The following PAQR3 variants were observed in gnomAD, a reference collection of about 807,000 sequenced individuals.
PAQR3 encodes the protein Raf kinase trapping to Golgi.
Under a neutral mutation model 41.7 loss-of-function variants are expected in PAQR3, and 39 were observed. The observed-to-expected ratio is 0.93, with a 90% CI of 0.72 to 1.22. PAQR3 has a LOEUF of 1.22. Among genes scored for constraint, PAQR3 ranks in the 50% most tolerant of loss-of-function variants. The pLI is 0.00. For missense variants in PAQR3, 366 were observed against 385.6 expected, an observed-to-expected ratio of 0.95 and a Z score of 0.42; for synonymous variants, 140 against 140.6, an observed-to-expected ratio of 1.00 and a Z score of 0.03.
chr4:78,910,108 A>G (rs1310262728), downstream of PAQR3, among the ~76,000 whole-genome samples: 2 of 152,212 alleles, frequency 1.3e-5, no homozygotes, highest in Non-Finnish European at 2.9e-5. Flanking sequence ...TTCAAAAGAT[A>G]GTGGTTTATA....
At chr4:78,890,525 C>T (rs552970117) in intron 11 of PAQR3, among the ~76,000 whole-genome samples, 1 of 152,240 alleles carries the variant, frequency 6.6e-6, no homozygotes, top group Non-Finnish European at 1.5e-5. Context: ...TTTGTCACCA[C>T]TGAGGTTTAT....
chr4:78,939,253 C>A lies in PAQR3; in HGVS notation c.-29G>T. The A allele has an allele frequency of 6.4e-7, 1 of 1,568,338 alleles. No individual in the cohort carries two copies. Among genetic ancestry groups the A allele is most frequent in the Non-Finnish European group, 8.6e-7 (1 of 1,160,766 alleles). On this transcript the variant is annotated 5_prime_UTR_variant, in exon 1 of 6. Coordinates refer to ENST00000512733, the MANE Select transcript of PAQR3 (RefSeq NM_001040202.2). ...TCCCGGCCGCCGCCGCTCCCCGGCT[C>A]GGGAGCTCCCCCAGGTCCCGCCTCC...
rs1267543499 is a variant in PAQR3 at position 78,912,774 on chromosome 4, A to C, written c.*7765T>G. ...TTTTGTCAGTTAAAACAAATTAAAA[A>C]AATGGACTATCGTCGCACAGAAGCC... is the stretch of plus-strand genomic sequence containing the variant. On this transcript the variant is annotated 3_prime_UTR_variant, in exon 6 of 6. Transcript: ENST00000512733. 1.3e-5 allele frequency: 2 copies of C among 151,058 alleles called. No individual in the cohort carries two copies. The highest frequency in any genetic ancestry group is 2.9e-5 in the Non-Finnish European group (2 of 67,872). The allele number at this position is 151,058 out of a possible 1,614,324, so 9.4% of individuals were successfully genotyped here. A position where few individuals can be genotyped will look rare whatever the true frequency, so the allele number is the denominator to read the frequency against.
In PAQR3 at chr4:78,912,531, A is replaced by C. The variant is rs2110112977; in HGVS notation, c.*8008T>G. 1 of 153,300 alleles carries C rather than the reference A, an allele frequency of 6.5e-6. No homozygotes were observed. Among genetic ancestry groups the C allele is most frequent in the African/African-American group, 2.4e-5 (1 of 41,588 alleles). 9.5% of individuals were successfully genotyped at this position (153,300 alleles called of 1,614,324 possible). A position where few individuals can be genotyped will look rare whatever the true frequency, so the allele number is the denominator to read the frequency against. On this transcript the variant is annotated 3_prime_UTR_variant, in exon 6 of 6. Transcript: ENST00000512733. The stretch of plus-strand genomic sequence containing the variant: ...AAAGCATTAGAAAGTTATTATCTGG[A>C]GAGTGCAGAGATTTCAGTCCATACA...
chr4:78,896,618 G>T (rs1259617341), intron 11 of PAQR3, among the ~76,000 whole-genome samples: 1 of 152,210 alleles, frequency 6.6e-6, no homozygotes, highest in Non-Finnish European at 1.5e-5. Context: ...GGTGAATGCA[G>T]TGCAGTGAGA....
chr4:78,896,598 T>G (rs1465900847), intron 11 of PAQR3, among the ~76,000 whole-genome samples: 2 of 152,222 alleles, frequency 1.3e-5, no homozygotes, highest in Non-Finnish European at 2.9e-5. Flanking sequence ...TTGTCATGAT[T>G]ATTATACATG....
downstream of PAQR3, chr4:78,910,738 G>C (rs1222463179): frequency 1.2e-6 from 2 of 1,613,820 alleles, no homozygotes; most frequent in Non-Finnish European, 1.7e-6. Flanking sequence ...CTCAGTACAG[G>C]GTCAAGTGCA....
At chr4:78,924,159 G>A (rs1366045772) in intron 4 of PAQR3, among the ~76,000 whole-genome samples, 1 of 152,124 alleles carries the variant, frequency 6.6e-6, no homozygotes, top group African/African-American at 2.4e-5. Flanking sequence ...AAAGGGGCTA[G>A]AGCTTTAACA....
At chr4:78,904,075 T>C (rs1271960873) in intron 11 of PAQR3, among the ~76,000 whole-genome samples, 1 of 151,948 alleles carries the variant, frequency 6.6e-6, no homozygotes, top group Non-Finnish European at 1.5e-5. Context: ...TGAAAGAGTA[T>C]TAAAGCCATC....
At position 78,916,590 on chromosome 4, in the gene PAQR3, CACTTAATAGCACG is replaced by C. The variant is rs1262571569; in HGVS notation, c.*3936_*3948del. On this transcript the variant is annotated 3_prime_UTR_variant, in exon 6 of 6. Transcript: ENST00000512733. ...GACTTAAGAGTTTTTGCCACAAGAACACTTAATAGCACGACTTTTTCAGTGAGTCATAATTACT... is the reference window on the plus strand; with the variant it reads ...GACTTAAGAGTTTTTGCCACAAGAACACTTTTTCAGTGAGTCATAATTACT... 4 of 151,868 alleles carry C rather than the reference CACTTAATAGCACG, an allele frequency of 2.6e-5. No individual in the cohort carries two copies. Among genetic ancestry groups the C allele is most frequent in the Non-Finnish European group, 5.9e-5 (4 of 67,864 alleles). The allele number at this position is 151,868 out of a possible 1,614,324, so 9.4% of individuals were successfully genotyped here.
At chr4:78,910,980 A>G (rs1343745804), downstream of PAQR3, 1 of 1,613,642 alleles carries the variant, frequency 6.2e-7, no homozygotes. Context: ...AGGCTAAAGC[A>G]AAGTACAGTG....
intron 1 of PAQR3, among the ~76,000 whole-genome samples, chr4:78,936,691 T>C (rs1174244266): frequency 3.3e-5 from 5 of 152,228 alleles, no homozygotes; most frequent in Non-Finnish European, 4.4e-5. Flanking sequence ...ACGAATGTGC[T>C]TGAAACATCT....
At chr4:78,937,182 G>A (rs1476223471) in intron 1 of PAQR3, among the ~76,000 whole-genome samples, 1 of 152,182 alleles carries the variant, frequency 6.6e-6, no homozygotes, top group Non-Finnish European at 1.5e-5. Context: ...CCCATCTCAT[G>A]GAATGCTGAC....
At chr4:78,890,452 G>A (rs1351488847) in intron 11 of PAQR3, among the ~76,000 whole-genome samples, 1 of 151,704 alleles carries the variant, frequency 6.6e-6, no homozygotes. Flanking sequence ...CATCCAGCAT[G>A]TTTTTGACAC....
At position 78,915,654 on chromosome 4, in the gene PAQR3, ATC is replaced by A. The variant is rs1734987313; in HGVS notation, c.*4883_*4884del. 1 of 152,074 alleles carries A rather than the reference ATC, an allele frequency of 6.6e-6. No homozygotes were observed. Among genetic ancestry groups the A allele is most frequent in the South Asian group, 2.1e-4 (1 of 4,830 alleles). The allele number at this position is 152,074 out of a possible 1,614,324, so 9.4% of individuals were successfully genotyped here. A position where few individuals can be genotyped will look rare whatever the true frequency, so the allele number is the denominator to read the frequency against. On this transcript the variant is annotated 3_prime_UTR_variant, in exon 6 of 6. Coordinates refer to ENST00000512733, the MANE Select transcript of PAQR3 (RefSeq NM_001040202.2). ...AAATATGTACACACATGCATGTCAC[ATC>A]TCTCTACTGTGGAGTTAATGTGAAT...
downstream of PAQR3, chr4:78,911,654 T>C (rs772218148): frequency 6.2e-7 from 1 of 1,613,964 alleles, no homozygotes; most frequent in Non-Finnish European, 8.5e-7. Flanking sequence ...AATGAATTTT[T>C]AACCATCTCA....
At chr4:78,887,179 C>A in exon 13 of PAQR3, 1 of 1,598,126 alleles carries the variant, frequency 6.3e-7, no homozygotes, top group Non-Finnish European at 8.5e-7. Flanking sequence ...TGCAGATAGG[C>A]TCGAGGAGAG....
intron 11 of PAQR3, among the ~76,000 whole-genome samples, chr4:78,904,660 C>T (rs1734198634): frequency 6.6e-6 from 1 of 151,940 alleles, no homozygotes; most frequent in Non-Finnish European, 1.5e-5. Flanking sequence ...GATTTGCTCT[C>T]ATTTTCAGAT....
At chr4:78,922,795 G>A in intron 5 of PAQR3, 1 of 399,670 alleles carries the variant, frequency 2.5e-6, no homozygotes. Flanking sequence ...TTTTAGATAG[G>A]AAAACTGGAG....
Sources: allele counts gnomAD v4.1 joint callset (sites outside exome capture counted in the v4.1 genomes callset), GRCh38; gene constraint gnomAD v4.1.1; transcripts MANE v1.5; gene names NCBI Gene and HGNC (gene_info 2026-07-23, HGNC 2026-07-21).